Variants in FAM90A20 observed in about 807,000 individuals in gnomAD.
FAM90A20 encodes protein FAM90A20.
chr8:7,297,333 G>A, the FAM90A20 span: 2 of 1,372,594 alleles, frequency 1.5e-6, no homozygotes, highest in Admixed American at 1.7e-5. Context: ...AGCCCTGAGG[G>A]TAGCTGCCGA....
chr8:7,296,884 T>A, the FAM90A20 span, among the ~76,000 whole-genome samples: 1 of 136,960 alleles, frequency 7.3e-6, no homozygotes, highest in African/African-American at 3.5e-5. Flanking sequence ...AGCGCATCGT[T>A]CATGTGTCTT....
At chr8:7,296,078 G>T in the FAM90A20 span, among the ~76,000 whole-genome samples, 1 of 130,732 alleles carries the variant, frequency 7.6e-6, no homozygotes, top group Admixed American at 7.0e-5. Flanking sequence ...AAAAGCAATG[G>T]AATCCAAATC....
chr8:7,296,743 A>G, the FAM90A20 span, among the ~76,000 whole-genome samples: 27 of 135,790 alleles, frequency 2.0e-4, 9 homozygotes, highest in African/African-American at 9.1e-4. Context: ...TGAGCCACCA[A>G]CCTGCCTTCG....
chr8:7,297,215 A>C, the FAM90A20 span: 1 of 1,527,970 alleles, frequency 6.5e-7, no homozygotes, highest in Non-Finnish European at 8.8e-7. Context: ...CTCCTCCTCA[A>C]GTCTTGGACC....
At chr8:7,296,858 C>G in the FAM90A20 span, among the ~76,000 whole-genome samples, 3 of 136,896 alleles carry the variant, frequency 2.2e-5, no homozygotes, top group Non-Finnish European at 4.5e-5. Flanking sequence ...CTTAGATCAG[C>G]TACACATAGC....
chr8:7,296,494 C>A, the FAM90A20 span: 2 of 655,226 alleles, frequency 3.1e-6, no homozygotes, highest in Admixed American at 2.1e-5. Context: ...TCGGGGAACC[C>A]CTCTTTCTTG....
the FAM90A20 span, chr8:7,297,235 A>C: frequency 1.3e-6 from 2 of 1,504,480 alleles, no homozygotes; most frequent in Non-Finnish European, 1.8e-6. Context: ...CAAAGGAAAG[A>C]CAGACAGGGG....
the FAM90A20 span, chr8:7,297,940 C>T: frequency 1.4e-6 from 1 of 691,874 alleles, no homozygotes; most frequent in South Asian, 1.5e-5. Context: ...CTGAGGCTCC[C>T]TGTGTTCGTG....
the FAM90A20 span, chr8:7,295,973 T>C: frequency 1.9e-6 from 1 of 523,698 alleles, no homozygotes; most frequent in South Asian, 2.0e-5. Flanking sequence ...CTCCGTGTCC[T>C]CCGGGGTTCC....
At chr8:7,297,379 G>T in the FAM90A20 span, 5 of 1,506,786 alleles carry the variant, frequency 3.3e-6, no homozygotes, top group South Asian at 3.4e-5. Context: ...CCCACGGCCT[G>T]CTCCAGGCCG....
chr8:7,297,853 C>A, the FAM90A20 span: 3 of 855,850 alleles, frequency 3.5e-6, 1 homozygote, highest in South Asian at 4.1e-5. Context: ...GCTCCAGCCT[C>A]CTGGCGGCCC....
chr8:7,297,327 C>T, the FAM90A20 span: 4 of 1,366,924 alleles, frequency 2.9e-6, 1 homozygote, highest in Non-Finnish European at 4.1e-6. Context: ...CACAGCAGCC[C>T]TGAGGGTAGC....
chr8:7,295,836 C>T, the FAM90A20 span: 44 of 779,252 alleles, frequency 5.6e-5, 2 homozygotes, highest in Non-Finnish European at 8.4e-5. Context: ...CCAAGGTGAG[C>T]AGTGGGAGGG....
the FAM90A20 span, chr8:7,296,304 G>C: frequency 2.7e-6 from 2 of 738,818 alleles, no homozygotes; most frequent in Non-Finnish European, 4.9e-6. Flanking sequence ...AAGACCCGCA[G>C]AGGAAGGCTC....
the FAM90A20 span, chr8:7,297,291 A>C: frequency 1.5e-6 from 2 of 1,352,784 alleles, no homozygotes; most frequent in Non-Finnish European, 2.1e-6. Context: ...CAGGTCCACG[A>C]GACTCTCCTC....
chr8:7,296,346 G>C, the FAM90A20 span: 4 of 744,462 alleles, frequency 5.4e-6, no homozygotes, highest in South Asian at 1.4e-5. Flanking sequence ...AACCTCCAGA[G>C]AAGCCGCTGC....
the FAM90A20 span, chr8:7,296,386 G>C: frequency 2.1e-5 from 16 of 746,018 alleles, 2 homozygotes; most frequent in Non-Finnish European, 3.9e-5. Flanking sequence ...GGAATCTTCT[G>C]ATTATCTGAG....
the FAM90A20 span, chr8:7,297,747 C>G: frequency 3.4e-6 from 5 of 1,483,138 alleles, no homozygotes; most frequent in Non-Finnish European, 4.5e-6. Context: ...CTGCCTACTG[C>G]CCAGGCCTGC....
the FAM90A20 span, chr8:7,297,795 C>T: frequency 1.3e-5 from 17 of 1,262,432 alleles, 2 homozygotes; most frequent in South Asian, 3.6e-5. Flanking sequence ...CATGATGGGG[C>T]CCAGCCTCTC....
Sources: allele counts gnomAD v4.1 joint callset (sites outside exome capture counted in the v4.1 genomes callset), GRCh38; gene constraint gnomAD v4.1.1; transcripts MANE v1.5; gene names NCBI Gene and HGNC (gene_info 2026-07-23, HGNC 2026-07-21).